Variants in HDAC9 observed in about 807,000 individuals in gnomAD.
The protein encoded by HDAC9 is MEF-2 interacting transcription repressor (MITR) protein.
A neutral mutation model predicts 139.4 loss-of-function variants in HDAC9; 41 were observed. The ratio of observed to expected loss-of-function variants is 0.29; its 90% CI spans 0.23 to 0.38. The LOEUF (loss-of-function observed/expected upper bound fraction) is 0.38, where lower values mean the gene tolerates loss of function less well. Ranked by LOEUF, HDAC9 falls within the 10% of genes least tolerant of loss-of-function variation. The pLI, the probability that HDAC9 is intolerant of heterozygous loss-of-function variation, is 1.00. For synonymous variants in HDAC9, 517 were observed against 476.2 expected, an observed-to-expected ratio of 1.09 and a Z score of -1.12; for missense variants, 1,147 against 1,297.0, an observed-to-expected ratio of 0.88 and a Z score of 1.78.
At chr7:18,746,552 T>G (rs1248721163) in intron 13 of HDAC9, among the ~76,000 whole-genome samples, 3 of 152,152 alleles carry the variant, frequency 2.0e-5, no homozygotes, top group Non-Finnish European at 4.4e-5. Context: ...GGTAGGAAGA[T>G]AAGGGACATA....
chr7:18,273,773 A>T (rs1374054303), intron 2 of HDAC9, among the ~76,000 whole-genome samples: 1 of 152,232 alleles, frequency 6.6e-6, no homozygotes, highest in Non-Finnish European at 1.5e-5. Context: ...TATAAGTAAC[A>T]CAGTGGAAGA....
chr7:18,634,817 G>T, intron 8 of HDAC9, 75 bp downstream of exon 8: 1 of 850,824 alleles, frequency 1.2e-6, no homozygotes, highest in Non-Finnish European at 1.9e-6. Context: ...TGATATTTCT[G>T]AGTTGACCTT....
chr7:18,197,228 T>C (rs1206406830), intron 2 of HDAC9, among the ~76,000 whole-genome samples: 1 of 152,196 alleles, frequency 6.6e-6, no homozygotes, highest in Non-Finnish European at 1.5e-5. Flanking sequence ...CAATTCCTTA[T>C]AATCAGTCTC....
intron 23 of HDAC9, among the ~76,000 whole-genome samples, chr7:18,938,755 C>T (rs946538047): frequency 6.6e-6 from 1 of 152,148 alleles, no homozygotes; most frequent in South Asian, 2.1e-4. Context: ...ACCAACTGGT[C>T]AGAGTTTGAA....
chr7:18,463,309 T>G (rs1350427223), intron 1 of HDAC9, among the ~76,000 whole-genome samples: 1 of 152,008 alleles, frequency 6.6e-6, no homozygotes, highest in African/African-American at 2.4e-5. Context: ...GTGGTGTTAT[T>G]TCTTCCTTAA....
intron 22 of HDAC9, among the ~76,000 whole-genome samples, chr7:18,896,659 G>T (rs1801226636): frequency 6.6e-6 from 1 of 152,002 alleles, no homozygotes; most frequent in Non-Finnish European, 1.5e-5. Flanking sequence ...AAAACTCCAT[G>T]CCAGACTAAA....
intron 1 of HDAC9, among the ~76,000 whole-genome samples, chr7:18,380,190 A>G (rs1051467000): frequency 6.6e-6 from 1 of 152,246 alleles, no homozygotes; most frequent in Non-Finnish European, 1.5e-5. Context: ...AAGTGACACA[A>G]TAAGATTAAA....
chr7:18,859,959 G>T (rs1293654750), intron 21 of HDAC9, among the ~76,000 whole-genome samples: 1 of 149,204 alleles, frequency 6.7e-6, no homozygotes, highest in African/African-American at 2.5e-5. Context: ...ATATTTTATG[G>T]AATGCAATCA....
At chr7:18,218,533 A>G (rs1230957807) in intron 2 of HDAC9, among the ~76,000 whole-genome samples, 1 of 152,216 alleles carries the variant, frequency 6.6e-6, no homozygotes, top group Middle Eastern at 3.2e-3. Flanking sequence ...CAACCGTTAT[A>G]CAGTGTGGGG....
At chr7:18,224,309 G>C (rs528578426) in intron 2 of HDAC9, among the ~76,000 whole-genome samples, 36 of 152,288 alleles carry the variant, frequency 2.4e-4, no homozygotes, top group Admixed American at 9.2e-4. Context: ...TTAACCAGCT[G>C]TTGGTGACTG....
intron 2 of HDAC9, among the ~76,000 whole-genome samples, chr7:18,220,811 C>T (rs1236038609): frequency 6.6e-6 from 1 of 152,140 alleles, no homozygotes; most frequent in Non-Finnish European, 1.5e-5. Flanking sequence ...GGGATGCACT[C>T]TTAAAGTGAG....
Position 18,383,784 on chromosome 7 carries a change from A to AAGGCTG in HDAC9, c.-42+93274_-42+93279dup, listed in dbSNP as rs1785657310. Among the ~76,000 whole-genome samples, 3 of 151,376 alleles carry AAGGCTG rather than the reference A, an allele frequency of 2.0e-5. No homozygotes were observed. The South Asian group carries it at 6.2e-4, about 32-fold the overall frequency. ...GGCGTCTGCAGTCCCAGCTACACGG[A>AAGGCTG]AGGCTGAGGCAGGAGAATGGCGTGA... is the stretch of plus-strand genomic sequence containing the variant. On this transcript the variant is annotated intron_variant, in intron 1 of 3. Transcript: ENST00000413509.
intron 22 of HDAC9, among the ~76,000 whole-genome samples, chr7:18,929,132 C>T (rs1335511110): frequency 1.3e-5 from 2 of 151,896 alleles, no homozygotes; most frequent in Non-Finnish European, 2.9e-5. Flanking sequence ...TTATTAAATA[C>T]GTATATAAGG....
At chr7:18,802,627 A>G (rs1010383434) in intron 17 of HDAC9, among the ~76,000 whole-genome samples, 1 of 125,298 alleles carries the variant, frequency 8.0e-6, no homozygotes, top group African/African-American at 3.7e-5. Context: ...ACATATCATG[A>G]TAGATTTTTT....
intron 22 of HDAC9, among the ~76,000 whole-genome samples, chr7:18,883,253 T>C (rs2129258325): frequency 6.6e-6 from 1 of 152,172 alleles, no homozygotes; most frequent in South Asian, 2.1e-4. Flanking sequence ...CAGTTAACTA[T>C]CTGAAACACA....
At chr7:18,791,379 T>A (rs1195841934) in intron 16 of HDAC9, among the ~76,000 whole-genome samples, 1 of 152,176 alleles carries the variant, frequency 6.6e-6, no homozygotes, top group Non-Finnish European at 1.5e-5. Flanking sequence ...AGCTCTGTAG[T>A]GGTGGGAAAA....
At chr7:18,560,718 T>C (rs1295248372) in intron 2 of HDAC9, among the ~76,000 whole-genome samples, 5 of 152,190 alleles carry the variant, frequency 3.3e-5, no homozygotes, top group Non-Finnish European at 5.9e-5. Context: ...ATTAAAGGCC[T>C]GTTCTGTTTT....
intron 22 of HDAC9, among the ~76,000 whole-genome samples, chr7:18,917,830 C>A (rs1294187282): frequency 6.6e-6 from 1 of 151,958 alleles, no homozygotes; most frequent in Admixed American, 6.6e-5. Flanking sequence ...GCCCCCAAAT[C>A]TATGCTCTTA....
chr7:18,135,103 A>G (rs1271547466), intron 1 of HDAC9, among the ~76,000 whole-genome samples: 8 of 152,090 alleles, frequency 5.3e-5, no homozygotes, highest in Admixed American at 1.3e-4. Flanking sequence ...ATTATTTTAC[A>G]TCTATTTTCT....
Sources: gnomAD v4.1 joint callset for allele counts (sites outside exome capture counted in the v4.1 genomes callset) on GRCh38, gnomAD v4.1.1 for gene constraint, MANE v1.5 for transcripts, NCBI Gene and HGNC (gene_info 2026-07-23, HGNC 2026-07-21) for gene names.